The following ATXN2 variants were observed in gnomAD, a reference collection of about 807,000 sequenced individuals.
ATXN2 encodes the protein ataxin-2.
Under a neutral mutation model 138.6 loss-of-function variants are expected in ATXN2, and 37 were observed. That is an observed-to-expected ratio of 0.27 (90% CI 0.21 to 0.35). The LOEUF (loss-of-function observed/expected upper bound fraction) is 0.35. Ranked by LOEUF, ATXN2 falls within the 10% of genes least tolerant of loss-of-function variation. ATXN2 has a pLI of 1.00. For synonymous variants in ATXN2, 549 were observed against 543.7 expected (o/e 1.01, Z -0.13); for missense variants, 1,216 against 1,480.3 (o/e 0.82, Z 2.93).
intron 9 of ATXN2, 106 bp downstream of exon 9, chr12:111,518,143 C>A: frequency 9.6e-7 from 1 of 1,040,168 alleles, no homozygotes; most frequent in East Asian, 2.7e-5. Context: ...CTCACCAAAT[C>A]ATTAAAGTGC....
At chr12:111,498,116 C>T (rs996138022) in intron 14 of ATXN2, among the ~76,000 whole-genome samples, 2 of 152,056 alleles carry the variant, frequency 1.3e-5, no homozygotes, top group African/African-American at 4.8e-5. Flanking sequence ...TAGTACCATA[C>T]TGAAAAGGGA....
At chr12:111,534,510 G>C (rs1230847452) in intron 5 of ATXN2, among the ~76,000 whole-genome samples, 1 of 152,076 alleles carries the variant, frequency 6.6e-6, no homozygotes, top group African/African-American at 2.4e-5. Flanking sequence ...CCATGGTTGG[G>C]GGGGACGCAT....
chr12:111,563,300 T>C (rs1052402824), intron 1 of ATXN2, among the ~76,000 whole-genome samples: 2 of 152,072 alleles, frequency 1.3e-5, no homozygotes, highest in African/African-American at 4.8e-5. Flanking sequence ...GTAGAATATA[T>C]GTGTGTATAT....
chr12:111,507,781 T>G (rs982241002), intron 14 of ATXN2, among the ~76,000 whole-genome samples: 1 of 152,254 alleles, frequency 6.6e-6, no homozygotes, highest in Non-Finnish European at 1.5e-5. Context: ...GAGAAAGAAG[T>G]AGACATGGTA....
chr12:111,453,439 C>G lies in ATXN2; in HGVS notation c.3439+238G>C, dbSNP rs1874823214. On this transcript the variant is annotated intron_variant, in intron 24 of 24. Transcript: ENST00000673436. This position sits in a 1 kb window ranked among gnomAD's most constrained non-coding sequence, Gnocchi z 5.4. ...ATGCATCAGGCTGCTGTTGCTGCTGCTGCTGCTTCTCATCAAGCCAAATCC... is the reference window on the plus strand; with the variant it reads ...ATGCATCAGGCTGCTGTTGCTGCTGGTGCTGCTTCTCATCAAGCCAAATCC... 8.0e-7 allele frequency: 1 copy of G among 1,253,698 alleles called. No individual in the cohort carries two copies. The highest frequency in any genetic ancestry group is 2.8e-5 in the South Asian group (1 of 36,218). The allele number at this position is 1,253,698 out of a possible 1,614,324, so 77.7% of individuals were successfully genotyped here.
chr12:111,585,146 C>T (rs1288236589), intron 1 of ATXN2, among the ~76,000 whole-genome samples: 3 of 152,154 alleles, frequency 2.0e-5, no homozygotes, highest in Non-Finnish European at 4.4e-5. Context: ...ATTATGAGCA[C>T]ATTAACTAAC....
intron 23 of ATXN2, chr12:111,455,184 T>C (rs898272454): frequency 3.4e-5 from 24 of 699,632 alleles, no homozygotes; most frequent in Non-Finnish European, 4.4e-5. Context: ...GAGAGTTCTG[T>C]TATGAAAGTA....
rs550118071 is a variant in ATXN2 at position 111,529,323 on chromosome 12, C to A, written c.572-4007G>T. On this transcript the variant is annotated intron_variant, in intron 5 of 24. Coordinates refer to ENST00000673436, the MANE Select transcript of ATXN2 (RefSeq NM_001372574.1). Reference sequence around the variant, plus strand: ...ATGGTGAGAAACAAAAGCATTGTAACAACAAGATGCAAGAATACAACGTGA... The same window carrying A: ...ATGGTGAGAAACAAAAGCATTGTAAAAACAAGATGCAAGAATACAACGTGA... Among the ~76,000 whole-genome samples, 7 of 151,116 alleles carry A rather than the reference C, an allele frequency of 4.6e-5. No homozygotes were observed. In the South Asian group the frequency reaches 1.1e-3, roughly 23 times the overall value.
chr12:111,493,099 G>C (rs1878151127), intron 14 of ATXN2, among the ~76,000 whole-genome samples: 1 of 152,078 alleles, frequency 6.6e-6, no homozygotes, highest in African/African-American at 2.4e-5. Context: ...GAAAACATTA[G>C]TGAGCTTGAA....
intron 14 of ATXN2, 48 bp downstream of exon 14, chr12:111,509,501 A>C: frequency 9.7e-7 from 1 of 1,027,194 alleles, no homozygotes; most frequent in Non-Finnish European, 1.5e-6. Context: ...AATCTTTAGT[A>C]ATGCTTATTT....
intron 1 of ATXN2, among the ~76,000 whole-genome samples, chr12:111,591,873 G>C (rs1199940352): frequency 6.6e-6 from 1 of 152,032 alleles, no homozygotes; most frequent in Non-Finnish European, 1.5e-5. Flanking sequence ...CTTAAGGTCA[G>C]GAGTTCGAGA....
chr12:111,518,502 T>C (rs1371752291), intron 8 of ATXN2, 75 bp from the exon 9 acceptor site: 11 of 1,417,216 alleles, frequency 7.8e-6, no homozygotes, highest in Non-Finnish European at 1.0e-5. Flanking sequence ...AAAAGTCATC[T>C]AGACAGAAGG....
rs1883260619 is a variant in ATXN2, at chr12:111,570,519, C to T, written c.252-14600G>A. Among the ~76,000 whole-genome samples, 4 of 152,304 alleles carry T rather than the reference C, an allele frequency of 2.6e-5. No individual in the cohort carries two copies. The South Asian group carries it at 8.3e-4, about 32-fold the overall frequency. On this transcript the variant is annotated intron_variant, in intron 1 of 24. Transcript: ENST00000673436. ...TCCTTACTTTCAGTGAGGACCCCCT[C>T]CAATTCTTCTATCACACTGTGAACC... is the stretch of plus-strand genomic sequence containing the variant.
Position 111,580,478 on chromosome 12 carries a change from C to T in ATXN2, c.251+18306G>A, listed in dbSNP as rs1182218365. Among the ~76,000 whole-genome samples, 13 of 150,436 alleles carry T rather than the reference C, an allele frequency of 8.6e-5. No individual in the cohort carries two copies. The South Asian group carries it at 2.5e-3, about 29-fold the overall frequency. On this transcript the variant is annotated intron_variant, in intron 1 of 24. Coordinates refer to ENST00000673436, the MANE Select transcript of ATXN2 (RefSeq NM_001372574.1). ...CTATGATCGTGCCACTACACTCCAC[C>T]CTGAGCAACAGAGGAAGATTCTGTC...
At chr12:111,543,709 AT>A (rs1881656466) in intron 5 of ATXN2, among the ~76,000 whole-genome samples, 2 of 152,216 alleles carry the variant, frequency 1.3e-5, no homozygotes, top group Admixed American at 6.5e-5. Flanking sequence ...GTGCTTTGCT[AT>A]CTCTAACTCT....
At chr12:111,464,818 A>G (rs1436273044) in intron 20 of ATXN2, 103 bp from the exon 21 acceptor site, 1 of 864,196 alleles carries the variant, frequency 1.2e-6, no homozygotes, top group Non-Finnish European at 1.9e-6. Flanking sequence ...GTATTCATGC[A>G]TAATTCATTT....
At chr12:111,500,845 C>G (rs990487160) in intron 14 of ATXN2, among the ~76,000 whole-genome samples, 1 of 152,048 alleles carries the variant, frequency 6.6e-6, no homozygotes, top group African/African-American at 2.4e-5. Context: ...CGCACTCCAG[C>G]CTGGCGACAG....
chr12:111,523,982 A>G (rs7139444), intron 6 of ATXN2, among the ~76,000 whole-genome samples: 15,582 of 152,198 alleles, frequency 0.1, 2,664 homozygotes, highest in African/African-American at 0.35. Flanking sequence ...ATTACTAGAG[A>G]TAGAACTGCT....
chr12:111,588,020 A>G (rs1166356968), intron 1 of ATXN2, among the ~76,000 whole-genome samples: 1 of 151,836 alleles, frequency 6.6e-6, no homozygotes, highest in Non-Finnish European at 1.5e-5. Context: ...CTCCACATCT[A>G]CTGAAAATAC....
Sources: gnomAD v4.1 joint callset for allele counts (sites outside exome capture counted in the v4.1 genomes callset) on GRCh38, gnomAD v4.1.1 for gene constraint, Gnocchi (gnomAD v3.1) non-coding constraint, MANE v1.5 for transcripts, NCBI Gene and HGNC (gene_info 2026-07-23, HGNC 2026-07-21) for gene names.